THSD7B: variants seen among roughly 807,000 people sequenced by gnomAD.
The protein encoded by THSD7B is thrombospondin type 1 domain containing 7B, also known as thrombospondin type-1 domain-containing protein 7B.
In THSD7B, 138 loss-of-function variants were observed where a neutral mutation model predicts 213.6. The ratio of observed to expected loss-of-function variants is 0.65; its 90% CI spans 0.56 to 0.74. The LOEUF is 0.74. Ranked by LOEUF, THSD7B falls within the 30% of genes least tolerant of loss-of-function variation. THSD7B has a pLI of 0.00. For synonymous variants in THSD7B, 742 were observed against 687.0 expected, an observed-to-expected ratio of 1.08 and a Z score of -1.25; for missense variants, 1,931 against 1,991.5, an observed-to-expected ratio of 0.97 and a Z score of 0.58.
chr2:137,459,226 A>C (rs1687831499), intron 15 of THSD7B, among the ~76,000 whole-genome samples: 1 of 152,296 alleles, frequency 6.6e-6, no homozygotes, highest in Non-Finnish European at 1.5e-5. Context: ...ATTGCATGCT[A>C]AGTCTCCCAT....
chr2:137,019,453 C>A (rs961316495), intron 2 of THSD7B, among the ~76,000 whole-genome samples: 2 of 152,166 alleles, frequency 1.3e-5, no homozygotes, highest in African/African-American at 4.8e-5. Context: ...ACCGAGCAAA[C>A]CCTTATAACC....
At chr2:136,941,722 G>A (rs538309447) in intron 2 of THSD7B, among the ~76,000 whole-genome samples, 1 of 152,152 alleles carries the variant, frequency 6.6e-6, no homozygotes, top group South Asian at 2.1e-4. Context: ...ATTTGTTTAA[G>A]TTCTTTGTAG....
intron 15 of THSD7B, among the ~76,000 whole-genome samples, chr2:137,490,320 C>T (rs932806498): frequency 6.6e-6 from 1 of 152,200 alleles, no homozygotes; most frequent in African/African-American, 2.4e-5. Context: ...ATTGATGACA[C>T]TTCCCTGTTT....
chr2:137,247,717 A>T (rs1312575255), intron 10 of THSD7B, among the ~76,000 whole-genome samples: 1 of 152,080 alleles, frequency 6.6e-6, no homozygotes, highest in Admixed American at 6.6e-5. Context: ...GGTGGAATTC[A>T]TTTCCTCCTG....
chr2:137,539,814 T>C (rs1226344080), intron 15 of THSD7B, among the ~76,000 whole-genome samples: 1 of 151,686 alleles, frequency 6.6e-6, no homozygotes, highest in Non-Finnish European at 1.5e-5. Flanking sequence ...AAATGTTACA[T>C]TGTGTTGACT....
chr2:136,772,325 T>C (rs938343793), intron 1 of THSD7B, among the ~76,000 whole-genome samples: 1 of 152,132 alleles, frequency 6.6e-6, no homozygotes, highest in African/African-American at 2.4e-5. Flanking sequence ...CTGAATTACT[T>C]CTACCTGGAG....
intron 12 of THSD7B, among the ~76,000 whole-genome samples, chr2:137,318,786 CTTTT>C (rs70978212): frequency 1.4e-5 from 1 of 73,660 alleles, no homozygotes; most frequent in Non-Finnish European, 2.2e-5. Context: ...GAATGCTTAT[CTTTT>C]TTTTTTTTTT....
intron 7 of THSD7B, among the ~76,000 whole-genome samples, chr2:137,173,303 C>T (rs1225284522): frequency 4.6e-5 from 7 of 152,098 alleles, no homozygotes; most frequent in Admixed American, 4.6e-4. Context: ...ATTCTTCCTC[C>T]CCAGCTCCAG....
chr2:137,407,691 T>C (rs1230614164), intron 13 of THSD7B, among the ~76,000 whole-genome samples: 1 of 152,066 alleles, frequency 6.6e-6, no homozygotes, highest in African/African-American at 2.4e-5. Context: ...ACACACACAC[T>C]GAAACATATA....
At chr2:137,120,826 G>A (rs1441862290) in intron 5 of THSD7B, among the ~76,000 whole-genome samples, 4 of 152,192 alleles carry the variant, frequency 2.6e-5, no homozygotes, top group Non-Finnish European at 5.9e-5. Context: ...TAAATGGAAG[G>A]AAGTAGAAGA....
chr2:136,810,564 GAA>G (rs1317843546), intron 1 of THSD7B, among the ~76,000 whole-genome samples: 1 of 152,202 alleles, frequency 6.6e-6, no homozygotes, highest in African/African-American at 2.4e-5. Flanking sequence ...CTTTCTCTGA[GAA>G]AGTCTTAATC....
intron 5 of THSD7B, among the ~76,000 whole-genome samples, chr2:137,138,142 C>T (rs1679506801): frequency 6.6e-6 from 1 of 152,044 alleles, no homozygotes; most frequent in African/African-American, 2.4e-5. Flanking sequence ...GACCTTTCTG[C>T]CTCAACTTCT....
chr2:137,310,455 G>C (rs551400652), intron 12 of THSD7B, among the ~76,000 whole-genome samples: 1 of 149,054 alleles, frequency 6.7e-6, no homozygotes, highest in Non-Finnish European at 1.5e-5. Context: ...TTTGTAGGTT[G>C]CCTGTTCACT....
chr2:137,055,255 T>G (rs1231108888), intron 2 of THSD7B, among the ~76,000 whole-genome samples: 1 of 152,236 alleles, frequency 6.6e-6, no homozygotes, highest in East Asian at 1.9e-4. Flanking sequence ...TGTGCATGTG[T>G]CTTTATAGTA....
chr2:137,605,648 CTTTTTTTTTTTTTTTTTTTT>C (rs34604281), intron 17 of THSD7B, among the ~76,000 whole-genome samples: 9 of 68,974 alleles, frequency 1.3e-4, no homozygotes, highest in Admixed American at 6.0e-4. Context: ...GCACTTCGCA[CTTTTTTTTTTTTTTTTTTTT>C]TTTTTTTTTT....
chr2:137,336,268 T>C (rs1684637847), intron 12 of THSD7B, among the ~76,000 whole-genome samples: 1 of 152,206 alleles, frequency 6.6e-6, no homozygotes, highest in African/African-American at 2.4e-5. Context: ...AAAGTGCTGA[T>C]GCAGGAAAAA....
At chr2:137,013,217 A>G (rs1001217306) in intron 2 of THSD7B, among the ~76,000 whole-genome samples, 13 of 152,218 alleles carry the variant, frequency 8.5e-5, no homozygotes, top group African/African-American at 3.1e-4. Context: ...CTTAGCTGAA[A>G]CAATCAAATA....
chr2:137,091,189 G>C (rs775754128), intron 3 of THSD7B, among the ~76,000 whole-genome samples: 1 of 152,162 alleles, frequency 6.6e-6, no homozygotes, highest in Non-Finnish European at 1.5e-5. Context: ...CCCTGCACAT[G>C]CTCTTACTGT....
At chr2:137,102,763 C>T (rs1051822363) in intron 4 of THSD7B, among the ~76,000 whole-genome samples, 7 of 152,012 alleles carry the variant, frequency 4.6e-5, no homozygotes, top group East Asian at 1.9e-4. Context: ...ATAGCTGAAT[C>T]GATCAAGGGG....
Sources: gnomAD v4.1 joint callset for allele counts (sites outside exome capture counted in the v4.1 genomes callset) on GRCh38, gnomAD v4.1.1 for gene constraint, MANE v1.5 for transcripts, NCBI Gene and HGNC (gene_info 2026-07-23, HGNC 2026-07-21) for gene names.